The following KLF13 variants were observed in gnomAD, a reference collection of about 807,000 sequenced individuals.
KLF13 encodes the protein KLF transcription factor 13, also known as Krueppel-like factor 13.
A neutral mutation model predicts 16.7 loss-of-function variants in KLF13; 8 were observed. The ratio of observed to expected loss-of-function variants is 0.48; its 90% confidence interval spans 0.28 to 0.87. KLF13 has a LOEUF of 0.87. Ranked by LOEUF, KLF13 falls within the 40% of genes least tolerant of loss-of-function variation. The pLI is 0.10. For missense variants in KLF13, 447 were observed against 452.2 expected (o/e 0.99, Z 0.10); for synonymous variants, 245 against 208.4 (o/e 1.18, Z -1.51).
intron 1 of KLF13, among the ~76,000 whole-genome samples, chr15:31,365,613 G>T (rs1180882710): frequency 6.6e-6 from 1 of 151,540 alleles, no homozygotes; most frequent in Non-Finnish European, 1.5e-5. Flanking sequence ...GCCGGGTGGG[G>T]TGGGGGGGCC....
chr15:31,415,037 T>C (rs2040239076), intron 1 of KLF13, among the ~76,000 whole-genome samples: 1 of 152,146 alleles, frequency 6.6e-6, no homozygotes, highest in Admixed American at 6.5e-5. Flanking sequence ...TGAGTTCCCA[T>C]GGGAGCTAGT....
At chr15:31,400,661 A>G (rs981259019) in intron 2 of KLF13, among the ~76,000 whole-genome samples, 15 of 151,838 alleles carry the variant, frequency 9.9e-5, no homozygotes, top group Middle Eastern at 3.4e-3. Context: ...GCAGGCCCCA[A>G]CTTGGGTTTT....
chr15:31,397,052 C>T (rs2039961184), intron 2 of KLF13, among the ~76,000 whole-genome samples: 1 of 152,066 alleles, frequency 6.6e-6, no homozygotes, highest in Non-Finnish European at 1.5e-5. Context: ...GGGCTGGTGC[C>T]TGTCCCTACC....
chr15:31,376,790 T>C lies in KLF13; in HGVS notation c.*4491T>C, dbSNP rs763686352. 1.3e-5 allele frequency: 2 copies of C among 152,512 alleles called. No individual in the cohort carries two copies. The highest frequency in any genetic ancestry group is 2.4e-5 in the African/African-American group (1 of 41,382). 9.4% of individuals were successfully genotyped at this position (152,512 alleles called of 1,614,324 possible). A position where few individuals can be genotyped will look rare whatever the true frequency, so the allele number is the denominator to read the frequency against. Reference sequence around the variant, plus strand: ...CCCGGTGTCCATGAGGGAAGAGGGGTCGCGCTTGGTTTCTACTGACCCCCA... The same window carrying C: ...CCCGGTGTCCATGAGGGAAGAGGGGCCGCGCTTGGTTTCTACTGACCCCCA... On this transcript the variant is annotated 3_prime_UTR_variant, in exon 2 of 2. Transcript: ENST00000307145.
At chr15:31,402,873 A>C (rs7179416) in intron 2 of KLF13, among the ~76,000 whole-genome samples, 22 of 95,492 alleles carry the variant, frequency 2.3e-4, no homozygotes, top group Non-Finnish European at 5.7e-4. Flanking sequence ...GAAAAAAAAA[A>C]CAACTTTTAA....
At position 31,376,933 on chromosome 15, in the gene KLF13, G is replaced by A. The variant is rs975151337; in HGVS notation, c.*4634G>A. On this transcript the variant is annotated 3_prime_UTR_variant, in exon 2 of 2. Transcript: ENST00000307145. ...ATGAACTGGATGGGAGAGAAGTAGC[G>A]TCCCCTACCCTACAAGTCACACATT... The A allele has an allele frequency of 7.2e-6, 1 of 138,534 alleles. No homozygotes were observed. The highest frequency in any genetic ancestry group is 1.5e-5 in the Non-Finnish European group (1 of 64,666). 8.6% of individuals were successfully genotyped at this position (138,534 alleles called of 1,614,324 possible). A position where few individuals can be genotyped will look rare whatever the true frequency, so the allele number is the denominator to read the frequency against.
downstream of KLF13, among the ~76,000 whole-genome samples, chr15:31,408,050 TGGAGGC>T (rs2040148724): frequency 6.6e-6 from 1 of 152,184 alleles, no homozygotes; most frequent in African/African-American, 2.4e-5. Flanking sequence ...AGGAAAGAAC[TGGAGGC>T]ATAAAACCTG....
rs2040355868 is a variant in KLF13 at position 31,423,132 on chromosome 15, C to CATAT, written n.118-12238_118-12237insATAT. ...GTATACGTATATATACGTATATATACGTATACGTATACGTATATATACGTA... is the reference window on the plus strand; with the variant it reads ...GTATACGTATATATACGTATATATACATATGTATACGTATACGTATATATACGTA... On this transcript the variant is annotated intron_variant and non_coding_transcript_variant, in intron 1 of 1. Transcript: ENST00000558225. Among the ~76,000 whole-genome samples, 3 of 50,828 alleles carry CATAT rather than the reference C, an allele frequency of 5.9e-5. 1 individual carries two copies. The highest frequency in any genetic ancestry group is 1.1e-4 in the Non-Finnish European group (3 of 27,188). 33.3% of individuals were successfully genotyped at this position (50,828 alleles called of 152,430 possible).
chr15:31,421,639 A>G (rs1325591096), intron 1 of KLF13, among the ~76,000 whole-genome samples: 13 of 152,176 alleles, frequency 8.5e-5, no homozygotes, highest in Admixed American at 8.5e-4. Context: ...TCTGTAGAAG[A>G]TATACAGAAG....
chr15:31,421,059 G>A (rs1252578977), intron 1 of KLF13, among the ~76,000 whole-genome samples: 1 of 152,006 alleles, frequency 6.6e-6, no homozygotes, highest in African/African-American at 2.4e-5. Context: ...TGTGATTTCT[G>A]TATAGGACTC....
At chr15:31,400,560 C>T (rs2040019696) in intron 2 of KLF13, among the ~76,000 whole-genome samples, 1 of 152,120 alleles carries the variant, frequency 6.6e-6, no homozygotes, top group African/African-American at 2.4e-5. Flanking sequence ...AGCGGCAAGG[C>T]AGGGGGCTGG....
At position 31,327,288 on chromosome 15, in the gene KLF13, G is replaced by C; in HGVS notation, c.76G>C (p.Gly26Arg). ...VSMSSRAVVHGPREGPESRPE... is the reference protein window; with the variant it reads ...VSMSSRAVVHRPREGPESRPE... ...CATGTCGAGCCGCGCGGTCGTGCAC[G>C]GGCCGCGGGAGGGGCCGGAGTCCCG... Residue 26 changes from glycine (G) to arginine (R), a missense_variant, in exon 1 of 2, where the codon GGG becomes CGG. Gly to Arg is a moderately radical substitution (Grantham distance 125, BLOSUM62 -2). Coordinates refer to ENST00000307145, the MANE Select transcript of KLF13 (RefSeq NM_015995.4). 5 of 1,319,422 alleles carry C rather than the reference G, an allele frequency of 3.8e-6. No homozygotes were observed. The highest frequency in any genetic ancestry group is 4.8e-6 in the Non-Finnish European group (5 of 1,036,422). 81.7% of individuals were successfully genotyped at this position (1,319,422 alleles called of 1,614,324 possible).
At chr15:31,356,798 C>G (rs1358266144) in intron 1 of KLF13, among the ~76,000 whole-genome samples, 1 of 152,236 alleles carries the variant, frequency 6.6e-6, no homozygotes, top group Non-Finnish European at 1.5e-5. Context: ...CTCCCGGTCT[C>G]TTTGCCTCTC....
At chr15:31,333,306 C>T (rs2038866010) in intron 1 of KLF13, among the ~76,000 whole-genome samples, 2 of 152,162 alleles carry the variant, frequency 1.3e-5, no homozygotes, top group Admixed American at 6.5e-5. Flanking sequence ...GGGGCTTGAG[C>T]CTGGGCAGCC....
At position 31,372,304 on chromosome 15, in the gene KLF13, G is replaced by C; in HGVS notation, c.*5G>C. 1 of 1,465,794 alleles carries C rather than the reference G, an allele frequency of 6.8e-7. No individual in the cohort carries two copies. The highest frequency in any genetic ancestry group is 1.4e-5 in the South Asian group (1 of 72,792). The allele number at this position is 1,465,794 out of a possible 1,614,324, so 90.8% of individuals were successfully genotyped here. ...AGCCCGGCCAGCTCGCCCTGAGCCC[G>C]CCACAGCCATGAGCAGCCGCTCCCA... On this transcript the variant is annotated 3_prime_UTR_variant, in exon 2 of 2. Transcript: ENST00000307145.
At chr15:31,332,214 G>A (rs1418945740) in intron 1 of KLF13, among the ~76,000 whole-genome samples, 1 of 152,216 alleles carries the variant, frequency 6.6e-6, no homozygotes, top group African/African-American at 2.4e-5. Context: ...ACTGTGTTAT[G>A]TTTTTCAAGG....
intron 2 of KLF13, among the ~76,000 whole-genome samples, chr15:31,397,847 G>C (rs1397986435): frequency 7.7e-6 from 1 of 129,310 alleles, no homozygotes; most frequent in Non-Finnish European, 1.5e-5. Flanking sequence ...GGGGTCTGCA[G>C]ACTTCTCTGG....
At chr15:31,378,965 T>G (rs1362050709), downstream of KLF13, among the ~76,000 whole-genome samples, 1 of 152,178 alleles carries the variant, frequency 6.6e-6, no homozygotes, top group Non-Finnish European at 1.5e-5. Context: ...GGTGATCCAC[T>G]GGCTCAGCCT....
intron 1 of KLF13, among the ~76,000 whole-genome samples, chr15:31,387,183 A>G (rs2039804703): frequency 6.6e-6 from 1 of 152,218 alleles, no homozygotes; most frequent in South Asian, 2.1e-4. Flanking sequence ...CCGTGGGTAA[A>G]ATGCTATCAG....
Sources: gnomAD v4.1 joint callset for allele counts (sites outside exome capture counted in the v4.1 genomes callset) on GRCh38, gnomAD v4.1.1 for gene constraint, MANE v1.5 for transcripts, NCBI Gene and HGNC (gene_info 2026-07-23, HGNC 2026-07-21) for gene names.